Variants in ANKFN1 observed in about 807,000 individuals in gnomAD.
The protein encoded by ANKFN1 is ankyrin repeat and fibronectin type III domain containing 1.
A neutral mutation model predicts 108.7 loss-of-function variants in ANKFN1; 74 were observed. That is an observed-to-expected ratio of 0.68 (90% CI 0.56 to 0.83). The LOEUF is 0.83. Among genes scored for constraint, ANKFN1 ranks in the 40% least tolerant of loss-of-function variants. The probability of loss-of-function intolerance (pLI) is 0.00; values close to 1 mark genes in which losing one functional copy is unlikely to be tolerated. For synonymous variants in ANKFN1, 547 were observed against 516.2 expected (o/e 1.06, Z -0.81); for missense variants, 1,505 against 1,382.3 (o/e 1.09, Z -1.41).
At chr17:56,246,029 T>C (rs1380866937) in intron 3 of ANKFN1, among the ~76,000 whole-genome samples, 1 of 152,100 alleles carries the variant, frequency 6.6e-6, no homozygotes. Context: ...TATAGACACA[T>C]ATATATAATT....
At chr17:56,119,880 AAAGTC>A (rs1906504176) in intron 4 of ANKFN1, among the ~76,000 whole-genome samples, 2 of 152,156 alleles carry the variant, frequency 1.3e-5, no homozygotes, top group Non-Finnish European at 2.9e-5. Context: ...TAGCATATGA[AAAGTC>A]ATTATTATCA....
chr17:56,480,749 A>G lies in ANKFN1; in HGVS notation c.2022A>G (p.Gln674=), dbSNP rs144129251. The G allele has an allele frequency of 8.1e-6, 13 of 1,614,056 alleles. No homozygotes were observed. Among genetic ancestry groups the G allele is most frequent in the Middle Eastern group, 1.6e-4 (1 of 6,062 alleles). Residue 674 remains glutamine, a synonymous_variant, in exon 17 of 21, where the codon CAA becomes CAG. Coordinates refer to ENST00000682825, the MANE Select transcript of ANKFN1 (RefSeq NM_001370326.1). The part of the protein sequence containing the change: ...SVDHTSDCPM[Q]LFFYELQMAV... ...ATCATACTTCTGACTGCCCCATGCA[A>G]TTGTTCTTCTACGAGCTCCAGATGG...
intron 4 of ANKFN1, chr17:56,110,946 A>C (rs1044751200): frequency 6.6e-6 from 1 of 152,270 alleles, no homozygotes; most frequent in Non-Finnish European, 1.5e-5. Context: ...AACCATGGTG[A>C]AAAGTCTCTA....
intron 8 of ANKFN1, among the ~76,000 whole-genome samples, chr17:56,382,876 A>T (rs2144824231): frequency 6.6e-6 from 1 of 152,304 alleles, no homozygotes; most frequent in East Asian, 1.9e-4. Flanking sequence ...ACACAATAAT[A>T]ATGGGAGACT....
At chr17:56,377,347 G>T (rs972869236) in intron 8 of ANKFN1, among the ~76,000 whole-genome samples, 1 of 152,120 alleles carries the variant, frequency 6.6e-6, no homozygotes, top group Non-Finnish European at 1.5e-5. Flanking sequence ...TCTTCACACC[G>T]TGGGGGCACG....
At chr17:56,383,778 A>G (rs2047175792) in intron 8 of ANKFN1, among the ~76,000 whole-genome samples, 1 of 152,212 alleles carries the variant, frequency 6.6e-6, no homozygotes, top group African/African-American at 2.4e-5. Flanking sequence ...AGACTAAACC[A>G]GGAAGAAGTT....
chr17:56,275,059 C>T (rs919467272), intron 3 of ANKFN1, among the ~76,000 whole-genome samples: 4 of 152,160 alleles, frequency 2.6e-5, no homozygotes, highest in African/African-American at 9.7e-5. Flanking sequence ...TTTTTACTGG[C>T]TAGTGATGGG....
chr17:56,226,143 T>A (rs1011590641), intron 2 of ANKFN1, among the ~76,000 whole-genome samples: 4 of 152,082 alleles, frequency 2.6e-5, no homozygotes, highest in Admixed American at 1.3e-4. Context: ...GAAATGTGTG[T>A]CAGGTTGTGA....
chr17:56,095,101 G>A (rs1038609213), intron 4 of ANKFN1, among the ~76,000 whole-genome samples: 1 of 150,984 alleles, frequency 6.6e-6, no homozygotes, highest in African/African-American at 2.4e-5. Flanking sequence ...CATGTACTGT[G>A]CAAGCAAAAG....
At chr17:56,404,869 C>G (rs1166197308) in intron 8 of ANKFN1, among the ~76,000 whole-genome samples, 1 of 152,216 alleles carries the variant, frequency 6.6e-6, no homozygotes, top group Non-Finnish European at 1.5e-5. Flanking sequence ...ATGTAATACT[C>G]TCCCCCTTTT....
chr17:56,346,302 T>C (rs2046098276), intron 4 of ANKFN1, among the ~76,000 whole-genome samples: 1 of 152,136 alleles, frequency 6.6e-6, no homozygotes, highest in African/African-American at 2.4e-5. Flanking sequence ...CCTTGTAGTA[T>C]AGTTTGAAGT....
intron 3 of ANKFN1, among the ~76,000 whole-genome samples, chr17:56,239,799 C>T (rs1274335112): frequency 6.6e-6 from 1 of 152,084 alleles, no homozygotes; most frequent in Non-Finnish European, 1.5e-5. Context: ...GGTCAGCATA[C>T]AAATGGGGTT....
At chr17:56,201,490 A>G (rs1914055893) in intron 1 of ANKFN1, among the ~76,000 whole-genome samples, 1 of 152,152 alleles carries the variant, frequency 6.6e-6, no homozygotes, top group South Asian at 2.1e-4. Context: ...TCTTTACAAA[A>G]CTATAAACTG....
intron 4 of ANKFN1, among the ~76,000 whole-genome samples, chr17:56,340,843 T>G (rs1268529856): frequency 6.6e-6 from 1 of 152,096 alleles, no homozygotes; most frequent in Non-Finnish European, 1.5e-5. Context: ...CTGTGAAGAA[T>G]GTGAATGGTA....
intron 19 of ANKFN1, among the ~76,000 whole-genome samples, chr17:56,492,954 G>A (rs9915946): frequency 6.6e-6 from 1 of 152,094 alleles, no homozygotes; most frequent in African/African-American, 2.4e-5. Context: ...TTTGGATCTG[G>A]CCTGAAATTG....
At chr17:56,188,551 G>A (rs1444220579) in intron 1 of ANKFN1, among the ~76,000 whole-genome samples, 1 of 64,836 alleles carries the variant, frequency 1.5e-5, no homozygotes, top group Non-Finnish European at 3.0e-5. Context: ...GTATATGTGT[G>A]TGTGTGTGTG....
rs1162797598 is a variant in ANKFN1 at position 56,427,626 on chromosome 17, A to T, written c.911-12701A>T. On this transcript the variant is annotated intron_variant, in intron 8 of 20. Coordinates refer to ENST00000682825, the MANE Select transcript of ANKFN1 (RefSeq NM_001370326.1). ...CAACTCTGGCCCCTGGGGAAAGGGG[A>T]CAGAGGCGCCAACCAGGAGTCCCTG... Among the ~76,000 whole-genome samples the T allele has an allele frequency of 3.3e-5, 5 of 152,036 alleles. No individual in the cohort carries two copies. The East Asian group carries it at 9.7e-4, about 29-fold the overall frequency.
intron 3 of ANKFN1, among the ~76,000 whole-genome samples, chr17:56,241,444 T>C (rs1270260355): frequency 6.6e-6 from 1 of 152,162 alleles, no homozygotes; most frequent in African/African-American, 2.4e-5. Flanking sequence ...GCTATCTCTA[T>C]CATGAACTTG....
At chr17:56,106,878 A>G (rs1905762051) in intron 4 of ANKFN1, among the ~76,000 whole-genome samples, 1 of 152,156 alleles carries the variant, frequency 6.6e-6, no homozygotes, top group African/African-American at 2.4e-5. Context: ...CAGCTTAGGT[A>G]ACTGAAGCAG....
Sources: allele counts gnomAD v4.1 joint callset (sites outside exome capture counted in the v4.1 genomes callset), GRCh38; gene constraint gnomAD v4.1.1; transcripts MANE v1.5; gene names NCBI Gene and HGNC (gene_info 2026-07-23, HGNC 2026-07-21).